Variants in GLYATL2 observed in about 807,000 individuals in gnomAD.
The protein encoded by GLYATL2 is glycine N-acyltransferase-like protein 2.
A neutral mutation model predicts 21.4 loss-of-function variants in GLYATL2; 25 were observed. The ratio of observed to expected loss-of-function variants is 1.17; its 90% confidence interval spans 0.85 to 1.63. GLYATL2 has a LOEUF of 1.63. GLYATL2 is among the 40% of genes most tolerant of loss of function. The pLI is 0.00. For synonymous variants in GLYATL2, 114 were observed against 118.2 expected, an observed-to-expected ratio of 0.96 and a Z score of 0.23; for missense variants, 361 against 343.3, an observed-to-expected ratio of 1.05 and a Z score of -0.41.
At chr11:58,869,990 C>T (rs1394802622) in intron 1 of GLYATL2, among the ~76,000 whole-genome samples, 1 of 152,044 alleles carries the variant, frequency 6.6e-6, no homozygotes, top group Non-Finnish European at 1.5e-5. Flanking sequence ...TGCCTGTAGT[C>T]CCAGCTAATC....
At chr11:58,886,158 A>G (rs940781335) in intron 1 of GLYATL2, among the ~76,000 whole-genome samples, 1 of 152,206 alleles carries the variant, frequency 6.6e-6, no homozygotes, top group Non-Finnish European at 1.5e-5. Context: ...TCGAGGTTGC[A>G]TTGAGCCAAG....
At chr11:58,884,268 T>C (rs1231078397) in intron 1 of GLYATL2, among the ~76,000 whole-genome samples, 2 of 152,128 alleles carry the variant, frequency 1.3e-5, no homozygotes, top group Non-Finnish European at 2.9e-5. Context: ...AAAGAGGAAG[T>C]CAAATTGTCC....
intron 5 of GLYATL2, 72 bp downstream of exon 5, chr11:58,836,939 ACATT>A: frequency 7.6e-7 from 1 of 1,318,520 alleles, no homozygotes. Context: ...CTCAAATCCT[ACATT>A]TCCAAGTACA....
intron 1 of GLYATL2, among the ~76,000 whole-genome samples, chr11:58,882,216 A>G (rs1425926881): frequency 6.6e-6 from 1 of 152,106 alleles, no homozygotes; most frequent in Non-Finnish European, 1.5e-5. Context: ...AAGCGTTCCT[A>G]TTTCTCCACA....
chr11:58,886,246 G>A (rs1367326079), intron 1 of GLYATL2, among the ~76,000 whole-genome samples: 1 of 152,096 alleles, frequency 6.6e-6, no homozygotes, highest in African/African-American at 2.4e-5. Flanking sequence ...CAGGAATCAG[G>A]GAAGGGACTC....
chr11:58,885,245 C>A (rs569860427), intron 1 of GLYATL2, among the ~76,000 whole-genome samples: 1 of 152,334 alleles, frequency 6.6e-6, no homozygotes, highest in East Asian at 1.9e-4. Context: ...GGACACCTAT[C>A]TGTGAGTTCT....
upstream of GLYATL2, chr11:58,907,620 A>G (rs935645869): frequency 4.8e-5 from 14 of 291,418 alleles, no homozygotes; most frequent in African/African-American, 2.8e-4. Flanking sequence ...ATCTGTCTCT[A>G]TTCACTGATG....
At chr11:58,851,139 C>G (rs192634353) in intron 1 of GLYATL2, among the ~76,000 whole-genome samples, 140 of 152,230 alleles carry the variant, frequency 9.2e-4, no homozygotes, top group African/African-American at 3.3e-3. Context: ...GCCTTGTATC[C>G]AATAAATAAC....
intron 1 of GLYATL2, among the ~76,000 whole-genome samples, chr11:58,874,807 G>T (rs936137558): frequency 1.3e-5 from 2 of 152,156 alleles, no homozygotes; most frequent in African/African-American, 2.4e-5. Flanking sequence ...TATTAAGTCT[G>T]CTTGGTGCAG....
At chr11:58,857,163 C>A (rs1388349910) in intron 1 of GLYATL2, among the ~76,000 whole-genome samples, 1 of 152,200 alleles carries the variant, frequency 6.6e-6, no homozygotes, top group Admixed American at 6.5e-5. Flanking sequence ...TTCTCCTCTC[C>A]TCACATCCTC....
At chr11:58,872,540 G>A (rs1336797691) in intron 1 of GLYATL2, among the ~76,000 whole-genome samples, 2 of 152,214 alleles carry the variant, frequency 1.3e-5, no homozygotes, top group South Asian at 4.1e-4. Context: ...ATGAAATAGG[G>A]AATTCTTTCC....
intron 1 of GLYATL2, among the ~76,000 whole-genome samples, chr11:58,882,648 T>C (rs901067899): frequency 6.6e-6 from 1 of 152,208 alleles, no homozygotes; most frequent in Non-Finnish European, 1.5e-5. Flanking sequence ...AGTCATGAAG[T>C]CCTTGCCCAT....
At chr11:58,857,393 A>T (rs1164888638) in intron 1 of GLYATL2, among the ~76,000 whole-genome samples, 4 of 152,058 alleles carry the variant, frequency 2.6e-5, no homozygotes, top group Non-Finnish European at 2.9e-5. Context: ...CACCACAGAG[A>T]GCTTCCCTGG....
At chr11:58,838,492 G>T (rs959652217) in intron 2 of GLYATL2, 124 bp from the exon 3 acceptor site, 5 of 591,644 alleles carry the variant, frequency 8.5e-6, no homozygotes, top group South Asian at 4.4e-5. Flanking sequence ...CTTAGGATGG[G>T]CCAGTGCTTC....
At chr11:58,886,576 G>GT (rs1455032253) in intron 1 of GLYATL2, among the ~76,000 whole-genome samples, 2 of 152,192 alleles carry the variant, frequency 1.3e-5, no homozygotes, top group African/African-American at 4.8e-5. Context: ...ATGAGATACT[G>GT]TATGTTAAAC....
At chr11:58,903,468 T>A (rs1346616135) in intron 1 of GLYATL2, among the ~76,000 whole-genome samples, 1 of 151,600 alleles carries the variant, frequency 6.6e-6, no homozygotes. Flanking sequence ...AGGTCAGGAG[T>A]TCGACCCCAG....
chr11:58,888,719 AG>A (rs1477496955), intron 1 of GLYATL2, among the ~76,000 whole-genome samples: 1 of 151,866 alleles, frequency 6.6e-6, no homozygotes, highest in African/African-American at 2.4e-5. Flanking sequence ...CCCTTCACCA[AG>A]GGGAGAGTTC....
chr11:58,901,766 G>T (rs948819), intron 1 of GLYATL2, among the ~76,000 whole-genome samples: 1 of 151,950 alleles, frequency 6.6e-6, no homozygotes, highest in Non-Finnish European at 1.5e-5. Context: ...ACCTCAATGG[G>T]TGACTGTGAA....
chr11:58,876,188 C>T (rs1854228785), intron 1 of GLYATL2, among the ~76,000 whole-genome samples: 1 of 152,132 alleles, frequency 6.6e-6, no homozygotes, highest in African/African-American at 2.4e-5. Flanking sequence ...GTTATCCGTT[C>T]ATCTAATGTT....
Sources: allele counts gnomAD v4.1 joint callset (sites outside exome capture counted in the v4.1 genomes callset), GRCh38; gene constraint gnomAD v4.1.1; transcripts MANE v1.5; gene names NCBI Gene and HGNC (gene_info 2026-07-23, HGNC 2026-07-21).